RGS7: variants seen among roughly 807,000 people sequenced by gnomAD.
The protein encoded by RGS7 is regulator of G protein signaling 7, also known as regulator of G-protein signaling 7.
A neutral mutation model predicts 81.1 loss-of-function variants in RGS7; 27 were observed. The observed-to-expected ratio is 0.33, with a 90% confidence interval of 0.25 to 0.46. RGS7 has a LOEUF of 0.46. Ranked by LOEUF, RGS7 falls within the 20% of genes least tolerant of loss-of-function variation. The pLI, the probability that RGS7 is intolerant of heterozygous loss-of-function variation, is 1.00. For missense variants in RGS7, 396 were observed against 607.4 expected (o/e 0.65, Z 3.66); for synonymous variants, 208 against 207.7 (o/e 1.00, Z -0.01).
chr1:241,317,714 CAT>C (rs1430154696), intron 2 of RGS7, among the ~76,000 whole-genome samples: 1 of 152,188 alleles, frequency 6.6e-6, no homozygotes, highest in Non-Finnish European at 1.5e-5. Flanking sequence ...ATGGAATAAA[CAT>C]CTCTGTTGCT....
chr1:241,131,952 TA>T, intron 2 of RGS7, among the ~76,000 whole-genome samples: 1 of 152,322 alleles, frequency 6.6e-6, no homozygotes, highest in East Asian at 1.9e-4. Context: ...AGATGATGCT[TA>T]AAAATACAGA....
intron 3 of RGS7, among the ~76,000 whole-genome samples, chr1:241,004,129 G>A (rs1484850329): frequency 6.6e-6 from 1 of 152,206 alleles, no homozygotes; most frequent in East Asian, 1.9e-4. Context: ...ACTAAGGCAA[G>A]CTGTGTATAG....
At chr1:240,870,632 G>C (rs1431095131) in intron 6 of RGS7, among the ~76,000 whole-genome samples, 1 of 152,110 alleles carries the variant, frequency 6.6e-6, no homozygotes, top group Non-Finnish European at 1.5e-5. Flanking sequence ...ATAGGCATGA[G>C]ACATAATCAT....
chr1:241,056,862 C>T (rs1291285475), intron 3 of RGS7, among the ~76,000 whole-genome samples: 1 of 152,146 alleles, frequency 6.6e-6, no homozygotes, highest in East Asian at 1.9e-4. Flanking sequence ...CAAACATGTA[C>T]ATAAATAAAG....
intron 4 of RGS7, among the ~76,000 whole-genome samples, chr1:240,949,437 T>C (rs1302690301): frequency 6.6e-6 from 1 of 152,144 alleles, no homozygotes; most frequent in East Asian, 1.9e-4. Flanking sequence ...AATTATTCAC[T>C]GTCTGCTTGG....
At position 240,806,100 on chromosome 1, in the gene RGS7, C is replaced by T. The variant is rs202237801; in HGVS notation, c.1269+40G>A. On this transcript the variant is annotated intron_variant, in intron 15 of 18. Coordinates refer to ENST00000440928, the MANE Select transcript of RGS7 (RefSeq NM_001364886.1). ...TGAATACATCTAACGCTCAACTTCT[C>T]GGAAGCACGTTTGTGGTGTGAGGCT... The T allele has an allele frequency of 1.6e-5, 25 of 1,580,134 alleles. No homozygotes were observed. The African/African-American group carries it at 2.4e-4, about 15-fold the overall frequency.
intron 4 of RGS7, among the ~76,000 whole-genome samples, chr1:240,959,521 A>G (rs1281864114): frequency 6.6e-6 from 1 of 152,232 alleles, no homozygotes; most frequent in Non-Finnish European, 1.5e-5. Flanking sequence ...TACCATTATG[A>G]TAGCTACAGT....
chr1:240,896,261 T>C (rs1235769948), intron 6 of RGS7, among the ~76,000 whole-genome samples: 1 of 152,230 alleles, frequency 6.6e-6, no homozygotes, highest in Non-Finnish European at 1.5e-5. Context: ...GTAGTTTCTT[T>C]TGCTGTGCAG....
intron 18 of RGS7, among the ~76,000 whole-genome samples, chr1:240,782,697 C>T (rs1370688166): frequency 3.9e-5 from 6 of 152,132 alleles, no homozygotes; most frequent in Non-Finnish European, 7.4e-5. Context: ...GCTAGGATTA[C>T]AGGTATGAGA....
In RGS7 at chr1:241,296,193, G is replaced by A. The variant is rs575574247; in HGVS notation, c.78+59506C>T. 7.2e-5 allele frequency among the ~76,000 whole-genome samples: 11 copies of A among 151,980 alleles called. No individual in the cohort carries two copies. In the South Asian group the frequency reaches 1.2e-3, roughly 17 times the overall value. ...AGGAGAGGGAGGAGGAGGAAGAAGG[G>A]GAAGAAGGGATGCACATAAGACAGA... On this transcript the variant is annotated intron_variant, in intron 2 of 18. Transcript: ENST00000440928.
At position 240,858,431 on chromosome 1, in the gene RGS7, T is replaced by A. The variant is rs1231651891; in HGVS notation, c.609+10156A>T. On this transcript the variant is annotated intron_variant, in intron 9 of 18. Coordinates refer to ENST00000440928, the MANE Select transcript of RGS7 (RefSeq NM_001364886.1). ...TTGCTAGTGTTTTGGATTTTAGTCA[T>A]GCTAATAGGTGTGCAGTGGTATGCA... 2.0e-5 allele frequency among the ~76,000 whole-genome samples: 3 copies of A among 152,334 alleles called. No homozygotes were observed. In the East Asian group the frequency reaches 5.8e-4, roughly 29 times the overall value.
At chr1:241,080,286 GAAA>G (rs76494616) in intron 3 of RGS7, among the ~76,000 whole-genome samples, 1 of 140,176 alleles carries the variant, frequency 7.1e-6, no homozygotes, top group African/African-American at 2.6e-5. Flanking sequence ...GTGAGGAATA[GAAA>G]AAAAAAAAGA....
intron 2 of RGS7, among the ~76,000 whole-genome samples, chr1:241,210,815 A>G (rs2686228): frequency 0.29 from 43,690 of 152,100 alleles, 6,704 homozygotes; most frequent in African/African-American, 0.4. Flanking sequence ...CAGATGACAC[A>G]GGGCGAAGGG....
chr1:240,854,967 T>C (rs1475655852), intron 9 of RGS7, among the ~76,000 whole-genome samples: 5 of 152,244 alleles, frequency 3.3e-5, no homozygotes, highest in South Asian at 4.1e-4. Flanking sequence ...TACCTTCATC[T>C]CGGACGTTAC....
In RGS7 at chr1:240,983,855, G is replaced by C. The variant is rs370454541; in HGVS notation, c.176-726C>G. Among the ~76,000 whole-genome samples, 25 of 152,308 alleles carry C rather than the reference G, an allele frequency of 1.6e-4. No individual in the cohort carries two copies. The South Asian group carries it at 4.8e-3, about 29-fold the overall frequency. On this transcript the variant is annotated intron_variant, in intron 3 of 18. Coordinates refer to ENST00000440928, the MANE Select transcript of RGS7 (RefSeq NM_001364886.1). ...TCATATTCATCTTTGATTATTTGGA[G>C]CATAGTAAGTGCTTAACAATGTGTG...
chr1:241,013,611 C>G (rs2059083002), intron 3 of RGS7, among the ~76,000 whole-genome samples: 1 of 152,208 alleles, frequency 6.6e-6, no homozygotes, highest in Non-Finnish European at 1.5e-5. Flanking sequence ...CACTAGGGAT[C>G]TGAAAGGGCC....
At chr1:240,859,247 G>C (rs1206516705) in intron 9 of RGS7, among the ~76,000 whole-genome samples, 1 of 152,002 alleles carries the variant, frequency 6.6e-6, no homozygotes, top group Non-Finnish European at 1.5e-5. Flanking sequence ...TGATCCTCCT[G>C]TCTCGGCCTC....
At chr1:241,306,975 AAG>A (rs1279695607) in intron 2 of RGS7, among the ~76,000 whole-genome samples, 3 of 152,240 alleles carry the variant, frequency 2.0e-5, no homozygotes, top group Non-Finnish European at 4.4e-5. Context: ...GCAAGGGAGA[AAG>A]AGTGTAAAAA....
At chr1:240,930,222 CTT>C (rs10676730) in intron 6 of RGS7, among the ~76,000 whole-genome samples, 40 of 113,846 alleles carry the variant, frequency 3.5e-4, no homozygotes, top group Non-Finnish European at 5.2e-4. Flanking sequence ...TCTTTTTTAG[CTT>C]TTTTTTTTTT....
Sources: gnomAD v4.1 joint callset for allele counts (sites outside exome capture counted in the v4.1 genomes callset) on GRCh38, gnomAD v4.1.1 for gene constraint, MANE v1.5 for transcripts, NCBI Gene and HGNC (gene_info 2026-07-23, HGNC 2026-07-21) for gene names.